SYCE1L: variants seen among roughly 807,000 people sequenced by gnomAD.
SYCE1L encodes the protein synaptonemal complex central element protein 1-like.
In SYCE1L, 51 loss-of-function variants were observed where a neutral mutation model predicts 39.6. The ratio of observed to expected loss-of-function variants is 1.29; its 90% confidence interval spans 1.03 to 1.63. The LOEUF is 1.63. Among genes scored for constraint, SYCE1L ranks in the 40% most tolerant of loss-of-function variants. The pLI, the probability that SYCE1L is intolerant of heterozygous loss-of-function variation, is 0.00. For missense variants in SYCE1L, 426 were observed against 304.9 expected (o/e 1.40, Z -2.96); for synonymous variants, 147 against 122.4 (o/e 1.20, Z -1.33).
intron 5 of SYCE1L, 92 bp downstream of exon 5, chr16:77,209,236 C>G: frequency 1.4e-6 from 2 of 1,456,378 alleles, no homozygotes; most frequent in Non-Finnish European, 1.9e-6. Context: ...CCCACTGAAA[C>G]CTAAGGCAGG....
Position 77,212,199 on chromosome 16 carries a change from A to G in SYCE1L, c.493A>G (p.Arg165Gly). Residue 165 changes from arginine to glycine, a missense_variant and splice_region_variant, in exon 8 of 11, where the codon AGG (arginine) becomes GGG (glycine). Transcript: ENST00000378644. ...AAGCAAGGAGCAGCTGCTCTCGGAGAGTGAGCCTCCCGCGCCAGGTGGGCG... is the reference window on the plus strand; with the variant it reads ...AAGCAAGGAGCAGCTGCTCTCGGAGGGTGAGCCTCCCGCGCCAGGTGGGCG... ...ERSKEQLLSE[R>G]RLVRAKLREV... 2 of 1,546,962 alleles carry G rather than the reference A, an allele frequency of 1.3e-6. No homozygotes were observed. The highest frequency in any genetic ancestry group is 2.0e-5 in the Admixed American group (1 of 50,808).
intron 4 of SYCE1L, 62 bp downstream of exon 4, chr16:77,208,601 C>T (rs2054802220): frequency 6.1e-6 from 9 of 1,479,144 alleles, no homozygotes; most frequent in South Asian, 2.4e-5. Flanking sequence ...TACCTCAGGG[C>T]CTTTGCACAG....
intron 1 of SYCE1L, chr16:77,202,492 C>A (rs1407052534): frequency 1.3e-4 from 20 of 152,166 alleles, no homozygotes; most frequent in Admixed American, 1.2e-3. Context: ...ATTTATTACC[C>A]ACTCTTGGCC....
rs564453501 is a variant in SYCE1L at position 77,209,425 on chromosome 16, A to C, written c.313A>C (p.Arg105=). 5 of 1,551,744 alleles carry C rather than the reference A, an allele frequency of 3.2e-6. No homozygotes were observed. The East Asian group carries it at 1.2e-4, about 38-fold the overall frequency. ...EVLGKKQEAL[R]ILQMHCQEKE... ...TGGTTCCTTCCCCACAGAGGCACTG[A>C]GGATCCTCCAGATGCACTGCCAAGA... Residue 105 remains arginine (R), a synonymous_variant, in exon 6 of 11, where the codon AGG becomes CGG. Transcript: ENST00000378644.
chr16:77,205,317 C>A (rs1453720645), intron 1 of SYCE1L, among the ~76,000 whole-genome samples: 1 of 151,548 alleles, frequency 6.6e-6, no homozygotes, highest in East Asian at 1.9e-4. Context: ...TGAGATTTGA[C>A]TTTTACCACT....
rs775715303 is a variant in SYCE1L at position 77,213,087 on chromosome 16, C to T, written c.*156C>T. The T allele has an allele frequency of 1.9e-4, 144 of 760,198 alleles. No individual in the cohort carries two copies. The highest frequency in any genetic ancestry group is 2.7e-4 in the Admixed American group (7 of 25,598). The allele number at this position is 760,198 out of a possible 1,614,324, so 47.1% of individuals were successfully genotyped here. ...ATCTCGAGGCGGGGCCTCTGCCGGA[C>T]CCCTCCCACCAGTCGAGCCCCGGGC... On this transcript the variant is annotated 3_prime_UTR_variant, in exon 11 of 11. Coordinates refer to ENST00000378644, the MANE Select transcript of SYCE1L (RefSeq NM_001129979.3).
chr16:77,212,832 C>T (rs1173127697), intron 10 of SYCE1L, 25 bp from the exon 11 acceptor site: 5 of 1,460,882 alleles, frequency 3.4e-6, no homozygotes, highest in Non-Finnish European at 4.5e-6. Flanking sequence ...GAACCTGGTC[C>T]GCAGCCTCAC....
chr16:77,208,165 A>G (rs927072242), intron 2 of SYCE1L, 45 bp from the exon 3 acceptor site: 6 of 1,533,660 alleles, frequency 3.9e-6, no homozygotes, highest in African/African-American at 2.8e-5. Context: ...GGACAGCCAG[A>G]CACCAGTCTT....
At chr16:77,210,062 C>T (rs1051601565) in intron 6 of SYCE1L, among the ~76,000 whole-genome samples, 1 of 152,188 alleles carries the variant, frequency 6.6e-6, no homozygotes, top group Non-Finnish European at 1.5e-5. Flanking sequence ...CACTATTCCT[C>T]TACTCATCAT....
At chr16:77,204,634 A>G (rs557773142) in intron 1 of SYCE1L, among the ~76,000 whole-genome samples, 1 of 152,332 alleles carries the variant, frequency 6.6e-6, no homozygotes, top group African/African-American at 2.4e-5. Flanking sequence ...CGGTATATCC[A>G]CACAGTGGAA....
rs1435196037 is a variant in SYCE1L at position 77,212,095 on chromosome 16, G to A, written c.424-35G>A. ...GGGCGGGCCGTGTAGCCAAGAGGAC[G>A]GCCAAACGGGGAGGCCTCCTCTTTG... On this transcript the variant is annotated intron_variant, in intron 7 of 10. Transcript: ENST00000378644. The A allele has an allele frequency of 3.3e-6, 5 of 1,536,014 alleles. No homozygotes were observed. In the South Asian group the frequency reaches 6.1e-5, roughly 19 times the overall value.
At chr16:77,207,605 C>T (rs548231358) in intron 2 of SYCE1L, among the ~76,000 whole-genome samples, 8 of 152,282 alleles carry the variant, frequency 5.3e-5, no homozygotes, top group South Asian at 2.1e-4. Context: ...GCAGATGGGA[C>T]GTCTCCATTG....
intron 1 of SYCE1L, 77 bp from the exon 2 acceptor site, chr16:77,206,364 A>G (rs2054785699): frequency 7.4e-7 from 1 of 1,349,620 alleles, no homozygotes; most frequent in African/African-American, 1.4e-5. Context: ...TGCAGAGCCC[A>G]CTGGGACTTC....
intron 1 of SYCE1L, chr16:77,200,159 A>G (rs1280331163): frequency 2.0e-5 from 3 of 149,892 alleles, no homozygotes; most frequent in African/African-American, 7.4e-5. Flanking sequence ...GTGAAACACC[A>G]TCTCTACTAA....
chr16:77,212,841 A>G lies in SYCE1L; in HGVS notation c.655-16A>G. ...GCGTAGGAACCTGGTCCGCAGCCTC[A>G]CCCAGCCCCCGGCAGGCCGGACCTG... On this transcript the variant is annotated splice_polypyrimidine_tract_variant and intron_variant, in intron 10 of 10. Transcript: ENST00000378644. 1 of 1,474,520 alleles carries G rather than the reference A, an allele frequency of 6.8e-7. No homozygotes were observed. Among genetic ancestry groups the G allele is most frequent in the Non-Finnish European group, 9.0e-7 (1 of 1,113,812 alleles). The allele number at this position is 1,474,520 out of a possible 1,614,324, so 91.3% of individuals were successfully genotyped here. A position where few individuals can be genotyped will look rare whatever the true frequency, so the allele number is the denominator to read the frequency against.
chr16:77,208,625 C>G, intron 4 of SYCE1L, 86 bp downstream of exon 4: 1 of 1,254,100 alleles, frequency 8.0e-7, no homozygotes, highest in Admixed American at 2.3e-5. Context: ...GCTCCCTGGC[C>G]TACAATGCTC....
At chr16:77,207,191 A>C (rs1458978442) in intron 2 of SYCE1L, among the ~76,000 whole-genome samples, 1 of 152,200 alleles carries the variant, frequency 6.6e-6, no homozygotes, top group Non-Finnish European at 1.5e-5. Flanking sequence ...TGTCAGTCAT[A>C]ATCAGCACCG....
intron 1 of SYCE1L, among the ~76,000 whole-genome samples, chr16:77,203,787 G>A (rs192443354): frequency 2.0e-3 from 297 of 151,948 alleles, no homozygotes; most frequent in African/African-American, 6.8e-3. Context: ...TAGAGTTGGG[G>A]TTTTGCCACG....
rs571783857 is a variant in SYCE1L at position 77,205,346 on chromosome 16, AT to A, written c.62-1088del. 1.0e-4 allele frequency among the ~76,000 whole-genome samples: 15 copies of A among 150,350 alleles called. No individual in the cohort carries two copies. The South Asian group carries it at 2.5e-3, about 25-fold the overall frequency. On this transcript the variant is annotated intron_variant, in intron 1 of 10. Transcript: ENST00000378644. The stretch of plus-strand genomic sequence containing the variant: ...TACCACTGATTTCAAGACTTAAGGA[AT>A]TTTTTTATGTTAATATTTTCCTGTG...
Sources: allele counts gnomAD v4.1 joint callset (sites outside exome capture counted in the v4.1 genomes callset), GRCh38; gene constraint gnomAD v4.1.1; transcripts MANE v1.5; gene names NCBI Gene and HGNC (gene_info 2026-07-23, HGNC 2026-07-21).